Variants in C2orf49 observed in about 807,000 individuals in gnomAD.
C2orf49 encodes the protein tRNA-splicing ligase complex subunit ASW.
C2orf49 carries 11 observed loss-of-function variants against 20.6 expected under a neutral mutation model. The observed-to-expected ratio is 0.53, with a 90% CI of 0.34 to 0.88. The LOEUF is 0.88. Among genes scored for constraint, C2orf49 ranks in the 40% least tolerant of loss-of-function variants. C2orf49 has a pLI of 0.02. For synonymous variants in C2orf49, 134 were observed against 108.5 expected (o/e 1.24, Z -1.46); for missense variants, 289 against 274.2 (o/e 1.05, Z -0.38).
the C2orf49 span, among the ~76,000 whole-genome samples, chr2:105,371,034 T>A: frequency 6.6e-6 from 1 of 152,238 alleles, no homozygotes; most frequent in East Asian, 1.9e-4. Flanking sequence ...CAGTTAATTC[T>A]CAGATATTCA....
At chr2:105,378,551 T>C in the C2orf49 span, 2 of 162,238 alleles carry the variant, frequency 1.2e-5, no homozygotes, top group East Asian at 3.6e-4. Flanking sequence ...GAGATCCAGG[T>C]TTTGTCCTAA....
At chr2:105,371,552 CT>C in the C2orf49 span, among the ~76,000 whole-genome samples, 1 of 129,342 alleles carries the variant, frequency 7.7e-6, no homozygotes, top group Admixed American at 7.5e-5. Context: ...TGAAATCTCT[CT>C]CTCTCTCTCT....
the C2orf49 span, among the ~76,000 whole-genome samples, chr2:105,365,251 G>T: frequency 7.9e-5 from 12 of 152,294 alleles, no homozygotes; most frequent in East Asian, 2.3e-3. Context: ...ACTACTGACG[G>T]GTTTGACACT....
At chr2:105,374,083 C>T in the C2orf49 span, 8 of 314,212 alleles carry the variant, frequency 2.5e-5, no homozygotes, top group Admixed American at 1.8e-4. Flanking sequence ...ACACCACATC[C>T]GGTGACAGAG....
the C2orf49 span, among the ~76,000 whole-genome samples, chr2:105,380,260 G>A: frequency 3.9e-5 from 6 of 152,202 alleles, no homozygotes; most frequent in African/African-American, 1.4e-4. Context: ...AAAAGGCCTA[G>A]AAGCGAGATT....
At chr2:105,377,965 A>G in the C2orf49 span, 6 of 442,866 alleles carry the variant, frequency 1.4e-5, no homozygotes, top group Admixed American at 2.6e-5. Flanking sequence ...GAGAAATACA[A>G]TTTCTAGAAA....
chr2:105,360,301 CA>C, the C2orf49 span: 36,403 of 100,878 alleles, frequency 0.36, 4,757 homozygotes, highest in South Asian at 0.41. Flanking sequence ...GACTCTGTCT[CA>C]AAAAAAAAAA....
chr2:105,365,143 C>T, the C2orf49 span, among the ~76,000 whole-genome samples: 3 of 152,166 alleles, frequency 2.0e-5, no homozygotes, highest in Non-Finnish European at 2.9e-5. Context: ...CTCAGAGACT[C>T]CTTCCCTCAA....
chr2:105,384,096 T>G, the C2orf49 span, among the ~76,000 whole-genome samples: 1 of 152,336 alleles, frequency 6.6e-6, no homozygotes, highest in South Asian at 2.1e-4. Context: ...GATTTTTGTT[T>G]TGTTTTTATT....
intron 2 of C2orf49, among the ~76,000 whole-genome samples, chr2:105,340,991 G>C (rs66747638): frequency 6.6e-6 from 1 of 152,048 alleles, no homozygotes; most frequent in Non-Finnish European, 1.5e-5. Context: ...AAGAATAGTC[G>C]AAGAATACAT....
At chr2:105,345,221 C>T in intron 3 of C2orf49, 94 bp from the exon 4 acceptor site, 1 of 1,088,292 alleles carries the variant, frequency 9.2e-7, no homozygotes, top group Non-Finnish European at 1.4e-6. Flanking sequence ...TCCATTAATA[C>T]ATTAATAGTA....
chr2:105,354,444 A>G, the C2orf49 span, among the ~76,000 whole-genome samples: 1 of 152,072 alleles, frequency 6.6e-6, no homozygotes, highest in Non-Finnish European at 1.5e-5. Context: ...GTGGGCTGGT[A>G]ACTTGAGGTC....
downstream of C2orf49, among the ~76,000 whole-genome samples, chr2:105,352,078 T>G (rs998245533): frequency 5.9e-5 from 9 of 152,208 alleles, no homozygotes; most frequent in Non-Finnish European, 1.3e-4. Flanking sequence ...ATTGTTCAAT[T>G]GCAGTACACA....
At chr2:105,373,609 G>A in the C2orf49 span, 84 of 1,614,092 alleles carry the variant, frequency 5.2e-5, no homozygotes, top group Non-Finnish European at 6.5e-5. Flanking sequence ...GTACTCGTTG[G>A]AATAGCAGTC....
At chr2:105,352,429 G>GTTTTTTTTTTTTTTTTTTTTTTTTTT (rs61585149), downstream of C2orf49, among the ~76,000 whole-genome samples, 15 of 80,768 alleles carry the variant, frequency 1.9e-4, no homozygotes, top group Admixed American at 3.8e-4. Flanking sequence ...GTTTGTTTGG[G>GTTTTTTTTTTTTTTTTTTTTTTTTTT]TTTTTTTTTT....
chr2:105,337,841 T>C (rs958206446), intron 1 of C2orf49, among the ~76,000 whole-genome samples, 155 bp downstream of exon 1: 1 of 152,126 alleles, frequency 6.6e-6, no homozygotes, highest in Non-Finnish European at 1.5e-5. Flanking sequence ...GTCTCCTCGC[T>C]CCTGCTCCTC....
the C2orf49 span, among the ~76,000 whole-genome samples, chr2:105,366,899 C>A: frequency 1.6e-4 from 24 of 152,246 alleles, no homozygotes; most frequent in East Asian, 9.7e-4. Context: ...GCGTGTGCCA[C>A]CACACCCAGC....
At chr2:105,375,821 C>T in the C2orf49 span, 1 of 152,208 alleles carries the variant, frequency 6.6e-6, no homozygotes, top group Non-Finnish European at 1.5e-5. Flanking sequence ...ACTGGGTATG[C>T]ACTGGGAGTT....
chr2:105,356,859 C>G, the C2orf49 span, among the ~76,000 whole-genome samples: 1 of 152,116 alleles, frequency 6.6e-6, no homozygotes, highest in Non-Finnish European at 1.5e-5. Flanking sequence ...ATTTATCTTA[C>G]TTTGAGTTTA....
Sources: gnomAD v4.1 joint callset for allele counts (sites outside exome capture counted in the v4.1 genomes callset) on GRCh38, gnomAD v4.1.1 for gene constraint, MANE v1.5 for transcripts, NCBI Gene and HGNC (gene_info 2026-07-23, HGNC 2026-07-21) for gene names.